DYNC1H1: variants seen among roughly 807,000 people sequenced by gnomAD.
The protein encoded by DYNC1H1 is cytoplasmic dynein 1 heavy chain 1.
Under a neutral mutation model 527.1 loss-of-function variants are expected in DYNC1H1, and 51 were observed. That is an observed-to-expected ratio of 0.10 (90% CI 0.08 to 0.12). DYNC1H1 has a LOEUF of 0.12. Ranked by LOEUF, DYNC1H1 falls within the 10% of genes least tolerant of loss-of-function variation. DYNC1H1 has a pLI of 1.00. For synonymous variants in DYNC1H1, 2,189 were observed against 2,278.8 expected (o/e 0.96, Z 1.12); for missense variants, 2,771 against 5,971.8 (o/e 0.46, Z 17.66).
intron 1 of DYNC1H1, among the ~76,000 whole-genome samples, chr14:101,971,635 G>A (rs2047740113): frequency 1.3e-5 from 2 of 152,116 alleles, no homozygotes; most frequent in Non-Finnish European, 2.9e-5. Flanking sequence ...TGAGGTAGGA[G>A]AATCACTTGA....
At chr14:102,032,866 A>C in intron 52 of DYNC1H1, 199 bp from the exon 53 acceptor site, 1 of 626,004 alleles carries the variant, frequency 1.6e-6, no homozygotes, top group African/African-American at 1.8e-5. Flanking sequence ...AAAAAAGAAG[A>C]AAGAAAAAAA....
Position 102,029,591 on chromosome 14 carries a change from G to A in DYNC1H1, c.9521G>A (p.Arg3174His). Residue 3174 changes from arginine (R) to histidine (H), a missense_variant, in exon 49 of 78, where the codon CGC becomes CAC. Around this residue, in one of 32 missense-constraint regions of DYNC1H1, gnomAD observed 67 missense variants for 128.2 expected, o/e 0.52. Coordinates refer to ENST00000360184, the MANE Select transcript of DYNC1H1 (RefSeq NM_001376.5). This position sits in a 1 kb window ranked among gnomAD's most constrained non-coding sequence, Gnocchi z 5.3. The stretch of plus-strand genomic sequence containing the variant: ...GGCAGAACGATGGCCATCACCCCTC[G>A]CCACTACCTGGACTTCATCAATCAC... ...RGGRTMAITP[R>H]HYLDFINHYA... is the part of the protein sequence containing the mutation. 1 of 1,614,166 alleles carries A rather than the reference G, an allele frequency of 6.2e-7. No homozygotes were observed. The highest frequency in any genetic ancestry group is 8.5e-7 in the Non-Finnish European group (1 of 1,180,034).
intron 15 of DYNC1H1, 139 bp from the exon 16 acceptor site, chr14:101,996,896 T>C: frequency 7.9e-7 from 1 of 1,268,670 alleles, no homozygotes; most frequent in Non-Finnish European, 1.1e-6. Flanking sequence ...GTGCTGGGAT[T>C]ACAGGCAAGA....
chr14:101,966,976 G>A (rs2047675077), intron 1 of DYNC1H1, among the ~76,000 whole-genome samples: 1 of 152,074 alleles, frequency 6.6e-6, no homozygotes, highest in Non-Finnish European at 1.5e-5. Flanking sequence ...GTTGACTAAG[G>A]AATGAGACTA....
In DYNC1H1 at chr14:101,994,717, C is replaced by T. The variant is rs770114315; in HGVS notation, c.3201C>T (p.Asn1067=). The part of the protein sequence containing the change: ...YQCLWDMQAE[N]IYNRLGEDLN... ...GTTTATGGGATATGCAAGCTGAAAA[C>T]ATCTATAACAGACTTGGAGAAGATC... Residue 1067 remains asparagine (N), a synonymous_variant, in exon 13 of 78, where the codon AAC becomes AAT. Transcript: ENST00000360184. The T allele has an allele frequency of 1.2e-6, 2 of 1,614,202 alleles. No individual in the cohort carries two copies. The highest frequency in any genetic ancestry group is 1.7e-6 in the Non-Finnish European group (2 of 1,180,034).
At chr14:102,024,692 C>CTTTT (rs541855664) in intron 43 of DYNC1H1, among the ~76,000 whole-genome samples, 296 of 109,474 alleles carry the variant, frequency 2.7e-3, no homozygotes, top group East Asian at 0.021. Flanking sequence ...TTTTTTAACT[C>CTTTT]TTTTTTTTTT....
rs374569905 is a variant in DYNC1H1 at position 102,012,103 on chromosome 14, G to T, written c.6847G>T (p.Val2283Leu). 6.2e-7 allele frequency: 1 copy of T among 1,614,186 alleles called. No individual in the cohort carries two copies. Among genetic ancestry groups the T allele is most frequent in the Non-Finnish European group, 8.5e-7 (1 of 1,180,034 alleles). Residue 2283 changes from valine to leucine, a missense_variant, in exon 33 of 78, where the codon GTG becomes TTG. By Grantham distance (32) the Val-to-Leu change is conservative. Coordinates refer to ENST00000360184, the MANE Select transcript of DYNC1H1 (RefSeq NM_001376.5). The surrounding 1 kb of genome is among the most constrained non-coding windows in gnomAD (Gnocchi z 4.9). The stretch of plus-strand genomic sequence containing the variant: ...ATGGACAGATGGGCTCTTCACACAC[G>T]TGCTGAGAAAGTACGTCTTCTTTGA... ...REWTDGLFTHVLRKIIDSVRG... is the reference protein window; with the variant it reads ...REWTDGLFTHLLRKIIDSVRG...
Position 102,029,317 on chromosome 14 carries a change from A to G in DYNC1H1, c.9469-222A>G, listed in dbSNP as rs895938928. On this transcript the variant is annotated intron_variant, in intron 48 of 77. Transcript: ENST00000360184. The surrounding 1 kb of genome is among the most constrained non-coding windows in gnomAD (Gnocchi z 5.3). Reference sequence around the variant, plus strand: ...CACCTCTAAAGTTGGTGTAATCACCATCCTCAGTTTAGAGAAGTTAAAGGG... The same window carrying G: ...CACCTCTAAAGTTGGTGTAATCACCGTCCTCAGTTTAGAGAAGTTAAAGGG... 11 of 590,740 alleles carry G rather than the reference A, an allele frequency of 1.9e-5. No individual in the cohort carries two copies. Among genetic ancestry groups the G allele is most frequent in the Admixed American group, 3.0e-5 (1 of 33,462 alleles). 36.6% of individuals were successfully genotyped at this position (590,740 alleles called of 1,614,324 possible).
Position 102,042,994 on chromosome 14 carries a change from T to C in DYNC1H1, c.12513+246T>C. 1.9e-6 allele frequency: 1 copy of C among 537,146 alleles called. No individual in the cohort carries two copies. The highest frequency in any genetic ancestry group is 3.4e-6 in the Non-Finnish European group (1 of 292,406). The allele number at this position is 537,146 out of a possible 1,614,324, so 33.3% of individuals were successfully genotyped here. Reference sequence around the variant, plus strand: ...TTGAGCCCAGGAGTTCAAGACTGTCTGGGCAGGCCAGGAGTGGTGGCTCAC... The same window carrying C: ...TTGAGCCCAGGAGTTCAAGACTGTCCGGGCAGGCCAGGAGTGGTGGCTCAC... On this transcript the variant is annotated intron_variant, in intron 69 of 77. Coordinates refer to ENST00000360184, the MANE Select transcript of DYNC1H1 (RefSeq NM_001376.5). The surrounding 1 kb of genome is among the most constrained non-coding windows in gnomAD (Gnocchi z 5.7).
At position 102,041,641 on chromosome 14, in the gene DYNC1H1, C is replaced by T. The variant is rs776781193; in HGVS notation, c.12009C>T (p.Ala4003=). Residue 4003 remains alanine, a synonymous_variant, in exon 65 of 78, where the codon GCC becomes GCT. Coordinates refer to ENST00000360184, the MANE Select transcript of DYNC1H1 (RefSeq NM_001376.5). The surrounding 1 kb of genome is among the most constrained non-coding windows in gnomAD (Gnocchi z 4.5). ...CTTTCCGGCCCGATCGCCTGTTGGC[C>T]ATGGCCCACATGTTTGTTTCAACAA... The part of the protein sequence containing the change: ...IQAFRPDRLL[A]MAHMFVSTNL... 1 of 1,614,212 alleles carries T rather than the reference C, an allele frequency of 6.2e-7. No individual in the cohort carries two copies. The highest frequency in any genetic ancestry group is 1.7e-5 in the Admixed American group (1 of 60,036).
chr14:102,036,805 A>AT lies in DYNC1H1; in HGVS notation c.10908+166dup. 1 of 1,046,718 alleles carries AT rather than the reference A, an allele frequency of 9.6e-7. No homozygotes were observed. Among genetic ancestry groups the AT allele is most frequent in the Non-Finnish European group, 1.4e-6 (1 of 701,982 alleles). 64.8% of individuals were successfully genotyped at this position (1,046,718 alleles called of 1,614,324 possible). A position where few individuals can be genotyped will look rare whatever the true frequency, so the allele number is the denominator to read the frequency against. ...TAAATTCAACAGAATCATTATTTGC[A>AT]TTTAAAATTCTATTCAGTGGTCGGG... On this transcript the variant is annotated intron_variant, in intron 57 of 77. Transcript: ENST00000360184. The surrounding 1 kb of genome is among the most constrained non-coding windows in gnomAD (Gnocchi z 5.6).
chr14:101,970,471 T>G (rs12892360), intron 1 of DYNC1H1, among the ~76,000 whole-genome samples: 1 of 119,392 alleles, frequency 8.4e-6, no homozygotes, highest in African/African-American at 4.4e-5. Flanking sequence ...TGGTTTGTTG[T>G]TGTTTTTTTT....
chr14:102,048,348 G>C, intron 73 of DYNC1H1, 168 bp from the exon 74 acceptor site: 1 of 974,636 alleles, frequency 1.0e-6, no homozygotes. Flanking sequence ...AGCAGCCTCA[G>C]CTTCACACAA....
In DYNC1H1 at chr14:102,038,349, G is replaced by T; in HGVS notation, c.10909-111G>T. On this transcript the variant is annotated intron_variant, in intron 57 of 77. Coordinates refer to ENST00000360184, the MANE Select transcript of DYNC1H1 (RefSeq NM_001376.5). This position sits in a 1 kb window ranked among gnomAD's most constrained non-coding sequence, Gnocchi z 7.2. ...CTAGTGGCCACCACACGCAAGTGGC[G>T]GGTGGCTTTTGGGAAGGTATGCTTA... The T allele has an allele frequency of 6.6e-7, 1 of 1,521,088 alleles. No individual in the cohort carries two copies. The highest frequency in any genetic ancestry group is 1.2e-5 in the South Asian group (1 of 84,418). 94.2% of individuals were successfully genotyped at this position (1,521,088 alleles called of 1,614,324 possible).
rs571126286 is a variant in DYNC1H1 at position 102,039,202 on chromosome 14, C to T, written c.11408C>T (p.Pro3803Leu). 8 of 1,614,074 alleles carry T rather than the reference C, an allele frequency of 5.0e-6. No individual in the cohort carries two copies. Among genetic ancestry groups the T allele is most frequent in the East Asian group, 4.5e-5 (2 of 44,876 alleles). Residue 3803 changes from proline (P) to leucine (L), a missense_variant, in exon 60 of 78, where the codon CCG becomes CTG. Transcript: ENST00000360184. This position sits in a 1 kb window ranked among gnomAD's most constrained non-coding sequence, Gnocchi z 7.0. ...EVETVSQQYL[P>L]LSTACSSIYF... ...GAGACCGTGTCCCAGCAGTACCTCC[C>T]GCTCTCCACCGCCTGCAGCAGCATC... is the stretch of plus-strand genomic sequence containing the variant.
chr14:102,047,381 G>GA (rs981469317), intron 72 of DYNC1H1, among the ~76,000 whole-genome samples: 1 of 151,380 alleles, frequency 6.6e-6, no homozygotes, highest in Non-Finnish European at 1.5e-5. Flanking sequence ...AAAAATACAA[G>GA]AAAAAATTAG....
rs750941847 is a variant in DYNC1H1 at position 102,050,090 on chromosome 14, C to T, written c.13704C>T (p.Ala4568=). The T allele has an allele frequency of 1.9e-6, 3 of 1,551,804 alleles. No homozygotes were observed. Among genetic ancestry groups the T allele is most frequent in the South Asian group, 1.1e-5 (1 of 88,680 alleles). Residue 4568 remains alanine, a synonymous_variant, in exon 77 of 78, where the codon GCC becomes GCT. Coordinates refer to ENST00000360184, the MANE Select transcript of DYNC1H1 (RefSeq NM_001376.5). The stretch of plus-strand genomic sequence containing the variant: ...TCACAGGTTTGAAACTTCAAGGGGC[C>T]ACGTGCAACAACAACAAGCTGTCAC... ...FGVTGLKLQG[A]TCNNNKLSLS... is the part of the protein sequence containing the mutation.
intron 76 of DYNC1H1, 48 bp from the exon 77 acceptor site, chr14:102,050,023 G>A (rs750002022): frequency 9.9e-6 from 16 of 1,614,092 alleles, no homozygotes; most frequent in Non-Finnish European, 1.4e-5. Context: ...TGGGGTTTGT[G>A]TAGCTGTTGT....
intron 7 of DYNC1H1, among the ~76,000 whole-genome samples, chr14:101,984,397 A>ATG (rs1277013282): frequency 1.3e-3 from 116 of 89,996 alleles, no homozygotes; most frequent in Middle Eastern, 5.4e-3. Flanking sequence ...ATATATGCGT[A>ATG]TATATGTGTG....
Sources: gnomAD v4.1 joint callset for allele counts (sites outside exome capture counted in the v4.1 genomes callset) on GRCh38, gnomAD v4.1.1 for gene constraint, gnomAD v4.1.1 regional missense constraint, Gnocchi (gnomAD v3.1) non-coding constraint, MANE v1.5 for transcripts, NCBI Gene and HGNC (gene_info 2026-07-23, HGNC 2026-07-21) for gene names.